Variants in PLCB4 observed in about 807,000 individuals in gnomAD.
The protein encoded by PLCB4 is phospholipase C beta 4, also known as 1-phosphatidylinositol 4,5-bisphosphate phosphodiesterase beta-4.
Under a neutral mutation model 178.8 loss-of-function variants are expected in PLCB4, and 77 were observed. The observed-to-expected ratio is 0.43, with a 90% CI of 0.36 to 0.52. The LOEUF (loss-of-function observed/expected upper bound fraction) is 0.52. Among genes scored for constraint, PLCB4 ranks in the 20% least tolerant of loss-of-function variants. The pLI, the probability that PLCB4 is intolerant of heterozygous loss-of-function variation, is 0.00. For synonymous variants in PLCB4, 496 were observed against 490.8 expected, an observed-to-expected ratio of 1.01 and a Z score of -0.14; for missense variants, 1,024 against 1,453.4, an observed-to-expected ratio of 0.70 and a Z score of 4.80.
At chr20:9,135,698 A>G (rs1012719679) in intron 2 of PLCB4, among the ~76,000 whole-genome samples, 1 of 152,118 alleles carries the variant, frequency 6.6e-6, no homozygotes, top group African/African-American at 2.4e-5. Flanking sequence ...AATTTGATTA[A>G]AATAATATCT....
intron 4 of PLCB4, among the ~76,000 whole-genome samples, chr20:9,336,056 C>T (rs1209377384): frequency 6.6e-6 from 1 of 152,014 alleles, no homozygotes; most frequent in Admixed American, 6.6e-5. Flanking sequence ...GCCCTTAAAA[C>T]CTTAATCCTG....
chr20:9,205,618 C>T (rs970228910), intron 2 of PLCB4, among the ~76,000 whole-genome samples: 7 of 152,140 alleles, frequency 4.6e-5, no homozygotes, highest in Non-Finnish European at 1.0e-4. Flanking sequence ...ATCCACTGAC[C>T]TTATTAAGAT....
intron 3 of PLCB4, among the ~76,000 whole-genome samples, chr20:9,272,950 T>C (rs2094418609): frequency 1.3e-5 from 2 of 151,900 alleles, no homozygotes; most frequent in Admixed American, 1.3e-4. Context: ...ATATAGAAGG[T>C]ACTTTCTATA....
chr20:9,386,208 A>G (rs2037646754), intron 14 of PLCB4, among the ~76,000 whole-genome samples: 1 of 151,720 alleles, frequency 6.6e-6, no homozygotes, highest in Non-Finnish European at 1.5e-5. Flanking sequence ...AGCCGAGACC[A>G]CGGCAGTATA....
At chr20:9,371,891 C>T (rs1351127687) in intron 10 of PLCB4, among the ~76,000 whole-genome samples, 1 of 152,196 alleles carries the variant, frequency 6.6e-6, no homozygotes, top group East Asian at 1.9e-4. Flanking sequence ...CATGGTTACC[C>T]TAAGCCCGTT....
intron 2 of PLCB4, among the ~76,000 whole-genome samples, chr20:9,214,985 A>G (rs1381635346): frequency 1.3e-5 from 2 of 152,180 alleles, no homozygotes; most frequent in Non-Finnish European, 2.9e-5. Context: ...TTGATTACGA[A>G]ATGACTTGGG....
intron 2 of PLCB4, among the ~76,000 whole-genome samples, chr20:9,199,197 C>A (rs1002578832): frequency 6.6e-6 from 1 of 152,078 alleles, no homozygotes; most frequent in African/African-American, 2.4e-5. Context: ...CTATAGGATT[C>A]AAAGCTCTGG....
chr20:9,126,771 C>CTT (rs34634088), intron 2 of PLCB4, among the ~76,000 whole-genome samples: 10 of 119,668 alleles, frequency 8.4e-5, no homozygotes, highest in Non-Finnish European at 1.4e-4. Context: ...ATTTCATTTG[C>CTT]TTTTTTTTTT....
At chr20:9,406,125 T>C (rs2039418036) in intron 21 of PLCB4, among the ~76,000 whole-genome samples, 1 of 152,232 alleles carries the variant, frequency 6.6e-6, no homozygotes, top group South Asian at 2.1e-4. Flanking sequence ...TGACATTTGG[T>C]CATTGTCATT....
intron 19 of PLCB4, among the ~76,000 whole-genome samples, chr20:9,398,867 C>T (rs2038810094): frequency 6.6e-6 from 1 of 152,146 alleles, no homozygotes; most frequent in Non-Finnish European, 1.5e-5. Flanking sequence ...TGCACATGAT[C>T]CCACAGCGGG....
chr20:9,204,701 T>C (rs940536205), intron 2 of PLCB4, among the ~76,000 whole-genome samples: 1 of 151,982 alleles, frequency 6.6e-6, no homozygotes, highest in Non-Finnish European at 1.5e-5. Context: ...ACGTAAGAAA[T>C]GTCTAAGAAG....
At chr20:9,248,183 A>G (rs2094144487) in intron 3 of PLCB4, among the ~76,000 whole-genome samples, 2 of 152,110 alleles carry the variant, frequency 1.3e-5, no homozygotes, top group Admixed American at 6.6e-5. Context: ...ATATATATGT[A>G]TATATACGTA....
chr20:9,325,850 C>A (rs2030426338), intron 4 of PLCB4, among the ~76,000 whole-genome samples: 2 of 152,216 alleles, frequency 1.3e-5, no homozygotes, highest in East Asian at 1.9e-4. Context: ...TAAGTTCTTT[C>A]AGGCTGCTAT....
chr20:9,125,755 G>A (rs759691916), intron 2 of PLCB4, among the ~76,000 whole-genome samples: 7 of 152,252 alleles, frequency 4.6e-5, no homozygotes, highest in Admixed American at 6.5e-5. Context: ...CCAGTGTCTC[G>A]TGTCTGTCTC....
intron 2 of PLCB4, among the ~76,000 whole-genome samples, chr20:9,181,128 A>C (rs2093239133): frequency 6.6e-6 from 1 of 152,202 alleles, no homozygotes; most frequent in Non-Finnish European, 1.5e-5. Flanking sequence ...TGCCATTCAT[A>C]GAGGGTCATC....
chr20:9,395,695 G>T, intron 19 of PLCB4, 77 bp downstream of exon 19: 1 of 1,050,074 alleles, frequency 9.5e-7, no homozygotes, highest in South Asian at 1.4e-5. Flanking sequence ...TGGGCACAGT[G>T]GCTCAAGCCC....
At chr20:9,324,734 A>G (rs1187469289) in intron 4 of PLCB4, among the ~76,000 whole-genome samples, 4 of 152,180 alleles carry the variant, frequency 2.6e-5, no homozygotes, top group Non-Finnish European at 5.9e-5. Context: ...TAGACACAAT[A>G]AAAAGTGACA....
intron 9 of PLCB4, among the ~76,000 whole-genome samples, chr20:9,367,101 C>G (rs1309329867): frequency 6.6e-6 from 1 of 152,200 alleles, no homozygotes; most frequent in African/African-American, 2.4e-5. Context: ...GTGAGACTAT[C>G]TCCATACTCC....
chr20:9,108,912 A>G (rs2091474552), intron 2 of PLCB4, among the ~76,000 whole-genome samples: 1 of 151,274 alleles, frequency 6.6e-6, no homozygotes, highest in Non-Finnish European at 1.5e-5. Context: ...AGAGAGAGAG[A>G]GAGAGAGAGA....
Sources: gnomAD v4.1 joint callset for allele counts (sites outside exome capture counted in the v4.1 genomes callset) on GRCh38, gnomAD v4.1.1 for gene constraint, MANE v1.5 for transcripts, NCBI Gene and HGNC (gene_info 2026-07-23, HGNC 2026-07-21) for gene names.